The following BEND7 variants were observed in gnomAD, a reference collection of about 807,000 sequenced individuals.
BEND7 encodes BEN domain containing 7, also known as BEN domain-containing protein 7.
In BEND7, 28 loss-of-function variants were observed where a neutral mutation model predicts 50.9. The observed-to-expected ratio is 0.55, with a 90% CI of 0.41 to 0.75. The LOEUF (loss-of-function observed/expected upper bound fraction) is 0.75. Ranked by LOEUF, BEND7 falls within the 30% of genes least tolerant of loss-of-function variation. The pLI, the probability that BEND7 is intolerant of heterozygous loss-of-function variation, is 0.00. For synonymous variants in BEND7, 170 were observed against 183.9 expected, an observed-to-expected ratio of 0.92 and a Z score of 0.61; for missense variants, 477 against 491.3, an observed-to-expected ratio of 0.97 and a Z score of 0.28.
In BEND7 at chr10:13,492,995, A is replaced by G. The variant is rs2076777294; in HGVS notation, c.572-119T>C. On this transcript the variant is annotated intron_variant, in intron 4 of 8. Transcript: ENST00000466271. ...CGAAACGAGGAAAACTCCAGGATGA[A>G]GCACACTAAATAAATCTCCAACTGG... 46 of 1,209,226 alleles carry G rather than the reference A, an allele frequency of 3.8e-5. 2 individuals carry two copies. In the South Asian group the frequency reaches 6.8e-4, roughly 18 times the overall value. The allele number at this position is 1,209,226 out of a possible 1,614,324, so 74.9% of individuals were successfully genotyped here.
intron 6 of BEND7, among the ~76,000 whole-genome samples, chr10:13,454,533 T>C (rs1299544755): frequency 1.3e-5 from 2 of 151,898 alleles, no homozygotes; most frequent in African/African-American, 4.8e-5. Flanking sequence ...GGCAGGAGGA[T>C]CTCTTGAGCC....
chr10:13,490,294 T>G (rs1425391357), intron 5 of BEND7, among the ~76,000 whole-genome samples: 1 of 152,276 alleles, frequency 6.6e-6, no homozygotes, highest in Non-Finnish European at 1.5e-5. Context: ...ATCTTTCTCC[T>G]GTGCTCGAGG....
intron 7 of BEND7, 27 bp downstream of exon 7, chr10:13,452,512 A>C (rs1184882362): frequency 1.3e-6 from 2 of 1,582,922 alleles, no homozygotes; most frequent in Non-Finnish European, 1.7e-6. Flanking sequence ...GTGCTTCTCC[A>C]ATTATTTTTC....
At chr10:13,523,936 G>A (rs1435305492) in intron 2 of BEND7, among the ~76,000 whole-genome samples, 1 of 152,200 alleles carries the variant, frequency 6.6e-6, no homozygotes, top group Non-Finnish European at 1.5e-5. Flanking sequence ...CTCCCAGGCT[G>A]TTCAATCTTT....
At chr10:13,516,151 C>T (rs902491589) in intron 2 of BEND7, among the ~76,000 whole-genome samples, 3 of 152,196 alleles carry the variant, frequency 2.0e-5, no homozygotes, top group African/African-American at 7.2e-5. Context: ...AGTAGGAATA[C>T]AGCATTGGAC....
chr10:13,485,339 T>C (rs1171223254), intron 5 of BEND7, among the ~76,000 whole-genome samples: 3 of 152,236 alleles, frequency 2.0e-5, no homozygotes, highest in East Asian at 3.8e-4. Context: ...ATAATCATAC[T>C]GGGCATTAAC....
At chr10:13,488,370 A>C (rs1026443169) in intron 5 of BEND7, among the ~76,000 whole-genome samples, 1 of 152,224 alleles carries the variant, frequency 6.6e-6, no homozygotes, top group Non-Finnish European at 1.5e-5. Flanking sequence ...TGAAAAACAC[A>C]AATCAATATA....
intron 2 of BEND7, among the ~76,000 whole-genome samples, chr10:13,512,307 C>T (rs1336538771): frequency 2.0e-5 from 3 of 152,106 alleles, no homozygotes; most frequent in Non-Finnish European, 4.4e-5. Flanking sequence ...CCATGTGAAG[C>T]CTGTTAGTTC....
intron 6 of BEND7, among the ~76,000 whole-genome samples, chr10:13,455,839 TA>T (rs1311134338): frequency 6.6e-6 from 1 of 151,710 alleles, no homozygotes; most frequent in Non-Finnish European, 1.5e-5. Flanking sequence ...ATGGAGGGTG[TA>T]GGGGAGGTGT....
Position 13,506,548 on chromosome 10 carries a change from G to A in BEND7, c.146-6468C>T, listed in dbSNP as rs532981655. ...GGTGAAGGCAGAAGAATTGTACACT[G>A]GAGCCAATGGGTTATCACTGGGTAA... On this transcript the variant is annotated intron_variant, in intron 2 of 8. Coordinates refer to ENST00000466271, the MANE Select transcript of BEND7 (RefSeq NM_001369863.1). Among the ~76,000 whole-genome samples, 5 of 152,318 alleles carry A rather than the reference G, an allele frequency of 3.3e-5. No individual in the cohort carries two copies. The South Asian group carries it at 1.0e-3, about 32-fold the overall frequency.
At chr10:13,469,515 T>C (rs923470177) in intron 6 of BEND7, among the ~76,000 whole-genome samples, 1 of 152,204 alleles carries the variant, frequency 6.6e-6, no homozygotes, top group African/African-American at 2.4e-5. Flanking sequence ...TCTTGCTCTG[T>C]CACCAGGCTG....
rs553990383 is a variant in BEND7 at position 13,467,757 on chromosome 10, T to C, written c.1063+13142A>G. Among the ~76,000 whole-genome samples the C allele has an allele frequency of 3.3e-5, 5 of 152,136 alleles. No homozygotes were observed. In the South Asian group the frequency reaches 1.0e-3, roughly 31 times the overall value. On this transcript the variant is annotated intron_variant, in intron 6 of 8. Coordinates refer to ENST00000466271, the MANE Select transcript of BEND7 (RefSeq NM_001369863.1). ...TTATTCATGCCCTGTACGTATCCAA[T>C]GTGGGAGTGCTGTTTTGATTTTTAA... is the stretch of plus-strand genomic sequence containing the variant.
chr10:13,452,738 G>GA (rs565668152), intron 6 of BEND7, 80 bp from the exon 7 acceptor site: 58 of 1,329,820 alleles, frequency 4.4e-5, no homozygotes, highest in African/African-American at 4.3e-4. Flanking sequence ...ATTCTAAAAA[G>GA]AAAAAAAAGT....
chr10:13,492,731 C>A lies in BEND7; in HGVS notation c.717G>T (p.Glu239Asp). The change falls in exon 5 of 9, where the codon GAG becomes GAT. Residue 239 changes from glutamate (E) to aspartate (D), a missense_variant. By Grantham distance (45) the Glu-to-Asp change is conservative. Transcript: ENST00000466271. The part of the protein sequence containing the change: ...LTVKQKPSGS[E>D]MEKKSVVASE... ...AGGCCACCACCGACTTTTTCTCCATCTCTGACCCACTGGGCTTCTGTTTCA... is the reference window on the plus strand; with the variant it reads ...AGGCCACCACCGACTTTTTCTCCATATCTGACCCACTGGGCTTCTGTTTCA... 6.2e-7 allele frequency: 1 copy of A among 1,614,182 alleles called. No individual in the cohort carries two copies. The highest frequency in any genetic ancestry group is 2.2e-5 in the East Asian group (1 of 44,878).
intron 6 of BEND7, among the ~76,000 whole-genome samples, chr10:13,475,746 A>G (rs2075381100): frequency 6.6e-6 from 1 of 152,214 alleles, no homozygotes; most frequent in African/African-American, 2.4e-5. Flanking sequence ...AAACTGAAAC[A>G]TCTTTCTTTC....
chr10:13,458,455 A>G (rs939715777), intron 6 of BEND7, among the ~76,000 whole-genome samples: 1 of 152,230 alleles, frequency 6.6e-6, no homozygotes, highest in Non-Finnish European at 1.5e-5. Flanking sequence ...GGACTTTGAA[A>G]GGAAGTCACT....
At chr10:13,459,035 T>G (rs1366974848) in intron 6 of BEND7, among the ~76,000 whole-genome samples, 1 of 152,258 alleles carries the variant, frequency 6.6e-6, no homozygotes. Flanking sequence ...ACTGCACATC[T>G]AACAGGAGTT....
chr10:13,489,898 G>A (rs1430026789), intron 5 of BEND7, among the ~76,000 whole-genome samples: 1 of 152,144 alleles, frequency 6.6e-6, no homozygotes, highest in Non-Finnish European at 1.5e-5. Flanking sequence ...TTCCTCCTTC[G>A]CAGATTAAAC....
At chr10:13,493,788 T>C (rs1015902749) in intron 4 of BEND7, among the ~76,000 whole-genome samples, 1 of 152,226 alleles carries the variant, frequency 6.6e-6, no homozygotes, top group East Asian at 1.9e-4. Context: ...CATGGCATCA[T>C]TGTTTAAATC....
Sources: allele counts gnomAD v4.1 joint callset (sites outside exome capture counted in the v4.1 genomes callset), GRCh38; gene constraint gnomAD v4.1.1; transcripts MANE v1.5; gene names NCBI Gene and HGNC (gene_info 2026-07-23, HGNC 2026-07-21).